Variants in XPA observed in about 807,000 individuals in gnomAD.
The protein encoded by XPA is DNA repair protein complementing XP-A cells.
A neutral mutation model predicts 35.7 loss-of-function variants in XPA; 27 were observed. The ratio of observed to expected loss-of-function variants is 0.76; its 90% CI spans 0.56 to 1.04. The LOEUF (loss-of-function observed/expected upper bound fraction) is 1.04, where lower values mean the gene tolerates loss of function less well. Ranked by LOEUF, XPA falls within the 50% of genes least tolerant of loss-of-function variation. The pLI is 0.00. For missense variants in XPA, 354 were observed against 342.7 expected (o/e 1.03, Z -0.26); for synonymous variants, 133 against 118.4 (o/e 1.12, Z -0.80).
intron 1 of XPA, among the ~76,000 whole-genome samples, chr9:97,694,328 C>G (rs919419101): frequency 1.3e-5 from 2 of 152,194 alleles, no homozygotes; most frequent in East Asian, 1.9e-4. Context: ...ACTAAAGCCA[C>G]AGAAAGTGAA....
the XPA span, chr9:97,663,049 TA>T: frequency 6.3e-7 from 1 of 1,597,530 alleles, no homozygotes; most frequent in South Asian, 1.1e-5. Context: ...CATCCACAGG[TA>T]AAAATTATTT....
rs1192717307 is a variant in XPA, at chr9:97,693,742, CTT to C, written c.188_189del (p.Lys63SerfsTer7). 1 of 1,613,092 alleles carries C rather than the reference CTT, an allele frequency of 6.2e-7. No individual in the cohort carries two copies. The highest frequency in any genetic ancestry group is 8.5e-7 in the Non-Finnish European group (1 of 1,179,922). ...CCTGTGTCAATTATCTTTGGGGCTG[CTT>C]TTACATTAGCCATGCCTACAAAAGT... is the stretch of plus-strand genomic sequence containing the variant. Reference protein sequence around the residue: ...AAATGGMANVKAAPKIIDTGG... With the variant: ...AAATGGMANVXAAPKIIDTGG... On this transcript the variant is annotated frameshift_variant, in exon 2 of 6. Coordinates refer to ENST00000375128, the MANE Select transcript of XPA (RefSeq NM_000380.4). LOFTEE classifies it high-confidence loss of function.
At chr9:97,682,722 C>T (rs886162622) in intron 5 of XPA, among the ~76,000 whole-genome samples, 10 of 151,990 alleles carry the variant, frequency 6.6e-5, no homozygotes, top group African/African-American at 1.7e-4. Context: ...TCAAACTCTT[C>T]GAAAATGAGG....
rs1179813520 is a variant in XPA, at chr9:97,689,573, A to G, written c.350T>C (p.Leu117Pro). Residue 117 changes from leucine to proline, a missense_variant, in exon 3 of 6, where the codon CTT becomes CCT. Leu to Pro is a moderately conservative substitution (Grantham distance 98). Transcript: ENST00000375128. Reference sequence around the variant, plus strand: ...AGTTGGCAAATCAAAGTGGTTCATAAGATAAGAATCCATAAATTCTTTCCC... The same window carrying G: ...AGTTGGCAAATCAAAGTGGTTCATAGGATAAGAATCCATAAATTCTTTCCC... ...ECGKEFMDSY[L>P]MNHFDLPTCD... 2 of 1,613,166 alleles carry G rather than the reference A, an allele frequency of 1.2e-6. No homozygotes were observed. The highest frequency in any genetic ancestry group is 1.7e-5 in the Admixed American group (1 of 60,018).
the XPA span, chr9:97,660,966 G>T: frequency 6.2e-7 from 1 of 1,611,748 alleles, no homozygotes; most frequent in East Asian, 2.2e-5. Context: ...TGGACATTCT[G>T]TTGCCCTCTG....
At chr9:97,674,135 T>TCC (rs11397653), downstream of XPA, among the ~76,000 whole-genome samples, 136 of 150,444 alleles carry the variant, frequency 9.0e-4, 1 homozygote, top group African/African-American at 3.1e-3. Flanking sequence ...AAGAGCTCCT[T>TCC]CCCCGCCCCC....
At chr9:97,692,437 C>CT (rs34815957) in intron 2 of XPA, among the ~76,000 whole-genome samples, 1 of 151,998 alleles carries the variant, frequency 6.6e-6, no homozygotes, top group Non-Finnish European at 1.5e-5. Flanking sequence ...AAAAATCATG[C>CT]TTTTTTTGTA....
chr9:97,662,930 T>A, the XPA span: 50 of 1,543,342 alleles, frequency 3.2e-5, no homozygotes, highest in Non-Finnish European at 4.4e-5. Flanking sequence ...ATATATGGTA[T>A]TTTTTTCCCA....
intron 1 of XPA, among the ~76,000 whole-genome samples, chr9:97,696,825 G>T (rs1226232119): frequency 6.6e-6 from 1 of 152,176 alleles, no homozygotes; most frequent in Non-Finnish European, 1.5e-5. Flanking sequence ...CGGCCGGGGC[G>T]GCTGCATCCC....
chr9:97,691,584 G>A (rs1243376129), intron 2 of XPA, among the ~76,000 whole-genome samples: 1 of 151,978 alleles, frequency 6.6e-6, no homozygotes, highest in East Asian at 1.9e-4. Flanking sequence ...CTGGGTGACG[G>A]GCACCTGTAA....
At chr9:97,660,850 G>T in the XPA span, 1 of 1,406,264 alleles carries the variant, frequency 7.1e-7, no homozygotes, top group South Asian at 1.5e-5. Context: ...TTGAAAGGAA[G>T]AATTTAAAAA....
chr9:97,691,310 C>A (rs908603681), intron 2 of XPA, among the ~76,000 whole-genome samples: 3 of 152,190 alleles, frequency 2.0e-5, no homozygotes, highest in African/African-American at 7.2e-5. Context: ...CACAGAAAAA[C>A]CACTCTAGGT....
the XPA span, among the ~76,000 whole-genome samples, chr9:97,664,977 CT>C: frequency 2.0e-5 from 3 of 152,144 alleles, no homozygotes; most frequent in Non-Finnish European, 2.9e-5. Context: ...CTCATTCCCC[CT>C]AACGGAAAGA....
At position 97,697,105 on chromosome 9, in the gene XPA, C is replaced by T; in HGVS notation, c.172+16G>A. On this transcript the variant is annotated intron_variant, in intron 1 of 5. Transcript: ENST00000375128. ...GGCGGGGAGAGGGAAGGGGAAAGCG[C>T]GGACGCGGCCCAAACCTCCAGTAGC... 1.3e-6 allele frequency: 2 copies of T among 1,528,184 alleles called. No homozygotes were observed. Among genetic ancestry groups the T allele is most frequent in the Non-Finnish European group, 1.8e-6 (2 of 1,139,512 alleles). The allele number at this position is 1,528,184 out of a possible 1,614,324, so 94.7% of individuals were successfully genotyped here. A position where few individuals can be genotyped will look rare whatever the true frequency, so the allele number is the denominator to read the frequency against.
chr9:97,670,668 T>C (rs1828161488), downstream of XPA, among the ~76,000 whole-genome samples: 1 of 152,208 alleles, frequency 6.6e-6, no homozygotes, highest in African/African-American at 2.4e-5. Flanking sequence ...GAGGAACACA[T>C]AGACAAGAGT....
the XPA span, chr9:97,660,964 C>T: frequency 6.2e-7 from 1 of 1,611,898 alleles, no homozygotes; most frequent in Non-Finnish European, 8.5e-7. Context: ...CCTGGACATT[C>T]TGTTGCCCTC....
the XPA span, chr9:97,655,681 A>T: frequency 6.3e-7 from 1 of 1,583,464 alleles, no homozygotes; most frequent in African/African-American, 1.4e-5. Flanking sequence ...TTCTCTGCCT[A>T]CCTCCCCCTT....
intron 5 of XPA, among the ~76,000 whole-genome samples, chr9:97,684,016 A>G (rs975671047): frequency 3.9e-5 from 6 of 152,194 alleles, no homozygotes; most frequent in African/African-American, 9.7e-5. Flanking sequence ...GACTCTGCAT[A>G]ATTACTGCAT....
At chr9:97,671,019 G>A, downstream of XPA, 1 of 1,072,614 alleles carries the variant, frequency 9.3e-7, no homozygotes. Flanking sequence ...GCTGCTGAAG[G>A]AAATGTTCCA....
Sources: gnomAD v4.1 joint callset for allele counts (sites outside exome capture counted in the v4.1 genomes callset) on GRCh38, gnomAD v4.1.1 for gene constraint, MANE v1.5 for transcripts, NCBI Gene and HGNC (gene_info 2026-07-23, HGNC 2026-07-21) for gene names.